The following ABCB5 variants were observed in gnomAD, a reference collection of about 807,000 sequenced individuals.
The protein encoded by ABCB5 is ATP binding cassette subfamily B member 5.
In ABCB5, 155 loss-of-function variants were observed where a neutral mutation model predicts 144.2. That is an observed-to-expected ratio of 1.08 (90% CI 0.94 to 1.23). The LOEUF (loss-of-function observed/expected upper bound fraction) is 1.23, where lower values mean the gene tolerates loss of function less well. Ranked by LOEUF, ABCB5 falls within the 50% of genes most tolerant of loss-of-function variation. The probability of loss-of-function intolerance (pLI) is 0.00; values close to 1 mark genes in which losing one functional copy is unlikely to be tolerated. For synonymous variants in ABCB5, 610 were observed against 528.6 expected (o/e 1.15, Z -2.11); for missense variants, 1,830 against 1,520.8 (o/e 1.20, Z -3.38).
At chr7:20,681,719 T>C in intron 15 of ABCB5, 53 bp downstream of exon 15, 1 of 1,568,424 alleles carries the variant, frequency 6.4e-7, no homozygotes. Context: ...GTTTCAGAGA[T>C]CATACCACAC....
intron 5 of ABCB5, chr7:20,641,931 G>T (rs1400787054): frequency 6.6e-6 from 1 of 152,218 alleles, no homozygotes; most frequent in Non-Finnish European, 1.5e-5. Flanking sequence ...GCGTCCATTA[G>T]TCTGGCAGTT....
intron 16 of ABCB5, among the ~76,000 whole-genome samples, chr7:20,686,251 C>G (rs1785994452): frequency 6.6e-6 from 1 of 152,168 alleles, no homozygotes; most frequent in Non-Finnish European, 1.5e-5. Context: ...GGCTTGCAGT[C>G]CCAGGGCACA....
chr7:20,723,133 G>C lies in ABCB5; in HGVS notation c.2539G>C (p.Val847Leu). The C allele has an allele frequency of 1.2e-6, 2 of 1,614,114 alleles. No homozygotes were observed. Among genetic ancestry groups the C allele is most frequent in the Non-Finnish European group, 1.7e-6 (2 of 1,180,022 alleles). The change falls in exon 21 of 28, where the codon GTA becomes CTA. Residue 847 changes from valine (V) to leucine (L), a missense_variant. Val to Leu is a conservative substitution (Grantham distance 32, BLOSUM62 1). Coordinates refer to ENST00000404938, the MANE Select transcript of ABCB5 (RefSeq NM_001163941.2). ...MTFLILSIAP[V>L]LAVTGMIETA... Reference sequence around the variant, plus strand: ...ATTCCTGATTCTGAGTATTGCTCCAGTACTTGCCGTGACAGGAATGATTGA... The same window carrying C: ...ATTCCTGATTCTGAGTATTGCTCCACTACTTGCCGTGACAGGAATGATTGA...
At chr7:20,666,899 T>G in intron 14 of ABCB5, 1 of 1,325,356 alleles carries the variant, frequency 7.5e-7, no homozygotes, top group Non-Finnish European at 9.7e-7. Context: ...GCTCAAATTT[T>G]CCTGATCAGT....
chr7:20,636,856 T>C (rs1270312110), intron 5 of ABCB5, among the ~76,000 whole-genome samples: 1 of 151,802 alleles, frequency 6.6e-6, no homozygotes, highest in African/African-American at 2.4e-5. Context: ...ATTATAACTA[T>C]TAATGTATTC....
chr7:20,725,862 T>A (rs1782020749), intron 21 of ABCB5, among the ~76,000 whole-genome samples: 1 of 152,220 alleles, frequency 6.6e-6, no homozygotes, highest in Admixed American at 6.5e-5. Flanking sequence ...TTTAAATTAA[T>A]GAGAATTTAA....
intron 14 of ABCB5, among the ~76,000 whole-genome samples, chr7:20,668,338 C>T (rs1785289138): frequency 6.9e-6 from 1 of 145,550 alleles, no homozygotes; most frequent in Non-Finnish European, 1.5e-5. Context: ...CCCGGCCGCC[C>T]ATCGTCTGAG....
chr7:20,686,329 C>A (rs1016026291), intron 16 of ABCB5, among the ~76,000 whole-genome samples: 11 of 152,176 alleles, frequency 7.2e-5, no homozygotes, highest in African/African-American at 1.4e-4. Flanking sequence ...ACTCCTACCC[C>A]CAAAGCCCCA....
chr7:20,746,334 G>A (rs1782721915), intron 26 of ABCB5, among the ~76,000 whole-genome samples: 1 of 152,210 alleles, frequency 6.6e-6, no homozygotes, highest in Admixed American at 6.5e-5. Flanking sequence ...CCCGACCTCA[G>A]GTGATCCACC....
intron 21 of ABCB5, among the ~76,000 whole-genome samples, chr7:20,724,585 C>T (rs554074174): frequency 4.1e-5 from 6 of 145,138 alleles, no homozygotes; most frequent in South Asian, 4.4e-4. Context: ...GCTGAGATTG[C>T]ACCACTGCAC....
At chr7:20,702,693 G>A (rs925116326) in intron 19 of ABCB5, among the ~76,000 whole-genome samples, 4 of 125,580 alleles carry the variant, frequency 3.2e-5, no homozygotes, top group African/African-American at 9.5e-5. Context: ...ACACAGTCTC[G>A]CTCTGTCGCC....
At chr7:20,665,575 G>A (rs1785149564) in intron 14 of ABCB5, among the ~76,000 whole-genome samples, 1 of 152,040 alleles carries the variant, frequency 6.6e-6, no homozygotes, top group Non-Finnish European at 1.5e-5. Flanking sequence ...TATTCTTGGA[G>A]TACTAGGGTA....
At chr7:20,644,407 A>G (rs1236865464) in intron 7 of ABCB5, among the ~76,000 whole-genome samples, 1 of 152,200 alleles carries the variant, frequency 6.6e-6, no homozygotes. Context: ...AAGGCTTTCA[A>G]TTACATTTCA....
chr7:20,754,248 T>C (rs1783016095), intron 27 of ABCB5, among the ~76,000 whole-genome samples: 1 of 152,218 alleles, frequency 6.6e-6, no homozygotes, highest in South Asian at 2.1e-4. Flanking sequence ...TAATGGAGGG[T>C]ATCTGACCTA....
chr7:20,737,386 C>T (rs1782415891), intron 23 of ABCB5, among the ~76,000 whole-genome samples: 2 of 152,128 alleles, frequency 1.3e-5, no homozygotes, highest in African/African-American at 4.8e-5. Flanking sequence ...CATTCTCCAT[C>T]CTTTGGGTCA....
chr7:20,625,505 A>G (rs1442938096), intron 2 of ABCB5, among the ~76,000 whole-genome samples: 1 of 152,194 alleles, frequency 6.6e-6, no homozygotes, highest in African/African-American at 2.4e-5. Flanking sequence ...TCAAAAAGGG[A>G]GACAAAATTA....
intron 1 of ABCB5, 30 bp downstream of exon 1, chr7:20,615,867 T>A (rs549540967): frequency 1.3e-5 from 2 of 152,438 alleles, no homozygotes; most frequent in South Asian, 4.1e-4. Flanking sequence ...TTAGAGATTA[T>A]GAAAACAATT....
In ABCB5 at chr7:20,709,574, T is replaced by C. The variant is rs980429819; in HGVS notation, c.2421+4767T>C. 6.0e-5 allele frequency among the ~76,000 whole-genome samples: 9 copies of C among 149,824 alleles called. 1 individual carries two copies. Among genetic ancestry groups the C allele is most frequent in the African/African-American group, 2.2e-4 (9 of 40,508 alleles). ...TCTCTTATTTTCTGTTTTGAGATGATGGGTATGCAATGGTATTTTTAAAAA... is the reference window on the plus strand; with the variant it reads ...TCTCTTATTTTCTGTTTTGAGATGACGGGTATGCAATGGTATTTTTAAAAA... On this transcript the variant is annotated intron_variant, in intron 20 of 27. Transcript: ENST00000404938.
chr7:20,658,428 C>T (rs980618070), intron 13 of ABCB5, 78 bp from the exon 14 acceptor site: 1 of 1,405,480 alleles, frequency 7.1e-7, no homozygotes. Flanking sequence ...TAAAACACAA[C>T]TGGGATTGTC....
Sources: gnomAD v4.1 joint callset for allele counts (sites outside exome capture counted in the v4.1 genomes callset) on GRCh38, gnomAD v4.1.1 for gene constraint, MANE v1.5 for transcripts, NCBI Gene and HGNC (gene_info 2026-07-23, HGNC 2026-07-21) for gene names.